SACS: variants seen among roughly 807,000 people sequenced by gnomAD.
The protein encoded by SACS is sacsin molecular chaperone.
SACS carries 197 observed loss-of-function variants against 348.0 expected under a neutral mutation model. That is an observed-to-expected ratio of 0.57 (90% CI 0.50 to 0.64). SACS has a LOEUF of 0.64. SACS is among the 30% of genes least tolerant of loss of function. The pLI, the probability that SACS is intolerant of heterozygous loss-of-function variation, is 0.00. For synonymous variants in SACS, 1,985 were observed against 1,910.6 expected (o/e 1.04, Z -1.02); for missense variants, 4,999 against 5,360.8 (o/e 0.93, Z 2.11).
chr13:23,379,257 T>G (rs1020600177), intron 2 of SACS, among the ~76,000 whole-genome samples: 4 of 152,226 alleles, frequency 2.6e-5, no homozygotes, highest in Admixed American at 6.5e-5. Context: ...CAGGAGGCAC[T>G]GACCTGGGAG....
rs766460230 is a variant in SACS at position 23,338,692 on chromosome 13, G to C, written c.5184C>G (p.Val1728=). Residue 1728 remains valine, a synonymous_variant, in exon 10 of 10, where the codon GTC becomes GTG. Transcript: ENST00000382292. ...SCSSKALNTP[V]LSVLKEAAKL... ...TAGCAGCCTCTTTTAAAACACTTAAGACAGGTGTGTTCAATGCTTTGGAAG... is the reference window on the plus strand; with the variant it reads ...TAGCAGCCTCTTTTAAAACACTTAACACAGGTGTGTTCAATGCTTTGGAAG... 12 of 1,613,688 alleles carry C rather than the reference G, an allele frequency of 7.4e-6. No individual in the cohort carries two copies.
intron 9 of SACS, among the ~76,000 whole-genome samples, chr13:23,346,545 C>T (rs1056196300): frequency 2.2e-4 from 33 of 152,082 alleles, no homozygotes; most frequent in African/African-American, 7.7e-4. Context: ...ATACAGATTC[C>T]CACACCATTC....
rs749358901 is a variant in SACS, at chr13:23,333,795, T to C, written c.10081A>G (p.Ile3361Val). The change falls in exon 10 of 10, where the codon ATC becomes GTC. Residue 3361 changes from isoleucine to valine, a missense_variant. By Grantham distance (29) the Ile-to-Val change is conservative. Around this residue, in one of 6 missense-constraint regions of SACS, gnomAD observed 734 missense variants for 694.0 expected, o/e 1.06. Transcript: ENST00000382292. ...HTANIESPTSILKALHYMVQT... is the reference protein window; with the variant it reads ...HTANIESPTSVLKALHYMVQT... ...ACCATATAATGTAGAGCCTTCAAGA[T>C]GCTTGTGGGGCTCTCTATATTTGCT... is the stretch of plus-strand genomic sequence containing the variant. 3 of 1,613,894 alleles carry C rather than the reference T, an allele frequency of 1.9e-6. No individual in the cohort carries two copies. Among genetic ancestry groups the C allele is most frequent in the Admixed American group, 3.3e-5 (2 of 60,000 alleles).
intron 1 of SACS, among the ~76,000 whole-genome samples, chr13:23,414,521 G>C (rs755271115): frequency 7.0e-6 from 1 of 142,680 alleles, no homozygotes; most frequent in African/African-American, 2.5e-5. Flanking sequence ...CATGCTTGTC[G>C]ACCTCACTGA....
chr13:23,332,864 T>C lies in SACS; in HGVS notation c.11012A>G (p.Gln3671Arg). The change falls in exon 10 of 10, where the codon CAA becomes CGA. Residue 3671 changes from glutamine (Q) to arginine (R), a missense_variant. Coordinates refer to ENST00000382292, the MANE Select transcript of SACS (RefSeq NM_014363.6). Reference sequence around the variant, plus strand: ...AAGAGGAAGTGTTCCATTTACCTCTTGATATTGAGGATGAAATCTAATGAA... The same window carrying C: ...AAGAGGAAGTGTTCCATTTACCTCTCGATATTGAGGATGAAATCTAATGAA... The part of the protein sequence containing the change: ...AEFIRFHPQY[Q>R]EVNGTLPLIK... The C allele has an allele frequency of 6.2e-7, 1 of 1,613,848 alleles. No individual in the cohort carries two copies.
chr13:23,376,295 T>A lies in SACS; in HGVS notation c.21-1026A>T, dbSNP rs865866126. On this transcript the variant is annotated intron_variant, in intron 2 of 9. Transcript: ENST00000382292. ...CGCCCCACGATAAGTAAAGTTGCCATGTAATTTGAAAGTGTGTGGGGCTTA... is the reference window on the plus strand; with the variant it reads ...CGCCCCACGATAAGTAAAGTTGCCAAGTAATTTGAAAGTGTGTGGGGCTTA... Among the ~76,000 whole-genome samples, 2 of 152,216 alleles carry A rather than the reference T, an allele frequency of 1.3e-5. 1 individual carries two copies. The highest frequency in any genetic ancestry group is 6.8e-3 in the Middle Eastern group (2 of 294).
intron 9 of SACS, among the ~76,000 whole-genome samples, chr13:23,351,161 TC>T (rs1869930779): frequency 6.6e-6 from 1 of 152,168 alleles, no homozygotes; most frequent in South Asian, 2.1e-4. Context: ...ACTTACTGGT[TC>T]CCCGTAAGGC....
At chr13:23,431,460 C>T (rs1874430231) in intron 1 of SACS, among the ~76,000 whole-genome samples, 1 of 152,170 alleles carries the variant, frequency 6.6e-6, no homozygotes, top group Admixed American at 6.5e-5. Context: ...GAGAAAGACA[C>T]ATAAAGTAGA....
chr13:23,391,268 T>C (rs946013037), intron 2 of SACS, among the ~76,000 whole-genome samples: 3 of 152,186 alleles, frequency 2.0e-5, no homozygotes, highest in Non-Finnish European at 4.4e-5. Flanking sequence ...AGGATTACTG[T>C]CAATTCTGGG....
chr13:23,329,510 A>C lies in SACS; in HGVS notation c.*626T>G, dbSNP rs981755683. On this transcript the variant is annotated 3_prime_UTR_variant, in exon 10 of 10. Transcript: ENST00000382292. ...CTGTAAACATAAGATGTTAAAAAAA[A>C]ATTTAAATAAAGATGTAAAGTGCAC... is the stretch of plus-strand genomic sequence containing the variant. The C allele has an allele frequency of 1.4e-6, 1 of 727,250 alleles. No individual in the cohort carries two copies. The highest frequency in any genetic ancestry group is 1.5e-5 in the South Asian group (1 of 64,904). The allele number at this position is 727,250 out of a possible 1,614,324, so 45.0% of individuals were successfully genotyped here.
chr13:23,334,243 A>C lies in SACS; in HGVS notation c.9633T>G (p.Ile3211Met), dbSNP rs770422204. 6.2e-7 allele frequency: 1 copy of C among 1,613,516 alleles called. No individual in the cohort carries two copies. Among genetic ancestry groups the C allele is most frequent in the Non-Finnish European group, 8.5e-7 (1 of 1,179,668 alleles). Residue 3211 changes from isoleucine (I) to methionine (M), a missense_variant, in exon 10 of 10, where the codon ATT becomes ATG. Coordinates refer to ENST00000382292, the MANE Select transcript of SACS (RefSeq NM_014363.6). ...AGGATAACAAATCAGCAAAGCTGGA[A>C]ATGTCAAACACTTTTGCAACTTTAC... is the stretch of plus-strand genomic sequence containing the variant. ...LNCKVAKVFDISSFADLLSSV... is the reference protein window; with the variant it reads ...LNCKVAKVFDMSSFADLLSSV...
rs755488010 is a variant in SACS at position 23,332,883 on chromosome 13, T to G, written c.10993A>C (p.Arg3665=). ...ACCTCTTGATATTGAGGATGAAATC[T>G]AATGAATTCCGCGGGGGCCCGCTCA... ...CPERAPAEFI[R]FHPQYQEVNG... The change falls in exon 10 of 10, where the codon AGA becomes CGA. Residue 3665 remains arginine (R), a synonymous_variant. Coordinates refer to ENST00000382292, the MANE Select transcript of SACS (RefSeq NM_014363.6). The G allele has an allele frequency of 1.2e-6, 2 of 1,613,932 alleles. No individual in the cohort carries two copies. The highest frequency in any genetic ancestry group is 1.7e-5 in the Admixed American group (1 of 60,002).
chr13:23,375,079 C>T lies in SACS; in HGVS notation c.171+40G>A, dbSNP rs1314726156. 5 of 1,437,170 alleles carry T rather than the reference C, an allele frequency of 3.5e-6. No homozygotes were observed. In the East Asian group the frequency reaches 9.2e-5, roughly 27 times the overall value. 89.0% of individuals were successfully genotyped at this position (1,437,170 alleles called of 1,614,324 possible). A position where few individuals can be genotyped will look rare whatever the true frequency, so the allele number is the denominator to read the frequency against. On this transcript the variant is annotated intron_variant, in intron 3 of 9. Coordinates refer to ENST00000382292, the MANE Select transcript of SACS (RefSeq NM_014363.6). Reference sequence around the variant, plus strand: ...GCCCTCGACGCCCGCCGTTCCTCCGCGTGGCGGAGCCCAGCCCAGCGCCCC... The same window carrying T: ...GCCCTCGACGCCCGCCGTTCCTCCGTGTGGCGGAGCCCAGCCCAGCGCCCC...
chr13:23,388,073 C>A (rs1872367941), intron 2 of SACS, among the ~76,000 whole-genome samples: 1 of 152,126 alleles, frequency 6.6e-6, no homozygotes, highest in Admixed American at 6.6e-5. Context: ...ATCTGCCATT[C>A]AATCCAGCAA....
chr13:23,375,485 ACGCAGCAGCCCGCGC>A lies in SACS; in HGVS notation c.21-231_21-217del, dbSNP rs1055047508. ...CGGGATCCGCATGGCGCAGTCCCGT[ACGCAGCAGCCCGCGC>A]CGAGGAGGAAACGCTAGAGGAAGCC... On this transcript the variant is annotated intron_variant, in intron 2 of 9. Coordinates refer to ENST00000382292, the MANE Select transcript of SACS (RefSeq NM_014363.6). 8 of 1,147,412 alleles carry A rather than the reference ACGCAGCAGCCCGCGC, an allele frequency of 7.0e-6. No homozygotes were observed. In the African/African-American group the frequency reaches 1.3e-4, roughly 19 times the overall value. The allele number at this position is 1,147,412 out of a possible 1,614,324, so 71.1% of individuals were successfully genotyped here.
chr13:23,425,494 G>C (rs1314709612), intron 1 of SACS, among the ~76,000 whole-genome samples: 4 of 152,148 alleles, frequency 2.6e-5, no homozygotes, highest in Admixed American at 2.0e-4. Flanking sequence ...AGTGTCGTTT[G>C]GGGCCTGATG....
chr13:23,371,167 T>A lies in SACS; in HGVS notation c.172-2A>T. 6.3e-7 allele frequency: 1 copy of A among 1,596,892 alleles called. No homozygotes were observed. The highest frequency in any genetic ancestry group is 8.6e-7 in the Non-Finnish European group (1 of 1,167,204). ...TCCAATCTTGATCCAGTCAGATAAC[T>A]GAAAAAAAGCAAAAGAAAATGTATG... is the stretch of plus-strand genomic sequence containing the variant. On this transcript the variant is annotated splice_acceptor_variant, in intron 3 of 9. Coordinates refer to ENST00000382292, the MANE Select transcript of SACS (RefSeq NM_014363.6). LOFTEE classifies it high-confidence loss of function.
intron 6 of SACS, among the ~76,000 whole-genome samples, chr13:23,360,754 CTTT>C (rs11340654): frequency 2.5e-4 from 31 of 125,280 alleles, no homozygotes; most frequent in Admixed American, 3.2e-4. Flanking sequence ...CTCCAAGGTA[CTTT>C]TTTTTTTTTT....
In SACS at chr13:23,355,651, G is replaced by A. The variant is rs1175545518; in HGVS notation, c.961C>T (p.Arg321Ter). ...AGTTTCTCTGTTCCGTCAGCCTCTC[G>A]GACATATAAGGAAACATCCTGCACA... ...KSVQDVSLYV[R>*]EADGTEKLVF... Residue 321 changes from arginine (R) to a stop codon, truncating the protein, a stop_gained, in exon 8 of 10, where the codon CGA becomes TGA. Coordinates refer to ENST00000382292, the MANE Select transcript of SACS (RefSeq NM_014363.6). LOFTEE classifies it high-confidence loss of function. 6.2e-7 allele frequency: 1 copy of A among 1,614,026 alleles called. No homozygotes were observed. The highest frequency in any genetic ancestry group is 1.1e-5 in the South Asian group (1 of 91,066).
Sources: allele counts gnomAD v4.1 joint callset (sites outside exome capture counted in the v4.1 genomes callset), GRCh38; gene constraint gnomAD v4.1.1; regional missense constraint gnomAD v4.1.1; transcripts MANE v1.5; gene names NCBI Gene and HGNC (gene_info 2026-07-23, HGNC 2026-07-21).